The following HCRTR2 variants were observed in gnomAD, a reference collection of about 807,000 sequenced individuals.
The protein encoded by HCRTR2 is hypocretin receptor 2, also known as orexin receptor type 2.
In HCRTR2, 22 loss-of-function variants were observed where a neutral mutation model predicts 49.0. That is an observed-to-expected ratio of 0.45 (90% CI 0.32 to 0.64). The LOEUF (loss-of-function observed/expected upper bound fraction) is 0.64. Ranked by LOEUF, HCRTR2 falls within the 30% of genes least tolerant of loss-of-function variation. The probability of loss-of-function intolerance (pLI) is 0.04; values close to 1 mark genes in which losing one functional copy is unlikely to be tolerated. For missense variants in HCRTR2, 491 were observed against 559.4 expected, an observed-to-expected ratio of 0.88 and a Z score of 1.23; for synonymous variants, 236 against 205.3, an observed-to-expected ratio of 1.15 and a Z score of -1.28.
chr6:55,118,513 A>G (rs897284028), intron 1 of HCRTR2, among the ~76,000 whole-genome samples: 4 of 152,050 alleles, frequency 2.6e-5, no homozygotes, highest in African/African-American at 9.6e-5. Context: ...TTACACTCCC[A>G]CCAACAGTGG....
upstream of HCRTR2, among the ~76,000 whole-genome samples, chr6:55,170,991 T>A (rs996677766): frequency 6.6e-6 from 1 of 152,084 alleles, no homozygotes; most frequent in African/African-American, 2.4e-5. Flanking sequence ...TTGTTGGACA[T>A]TTGGGTTGGT....
intron 6 of HCRTR2, among the ~76,000 whole-genome samples, chr6:55,280,837 C>A (rs1446714951): frequency 6.6e-6 from 1 of 152,092 alleles, no homozygotes; most frequent in Admixed American, 6.6e-5. Context: ...GATCTATTCA[C>A]TTTTAGATAT....
At chr6:55,188,388 G>A (rs186625446) in intron 1 of HCRTR2, among the ~76,000 whole-genome samples, 81 of 152,268 alleles carry the variant, frequency 5.3e-4, no homozygotes, top group Non-Finnish European at 8.5e-4. Context: ...TCAGAAGACC[G>A]CTCTGAATGC....
At chr6:55,269,822 G>A (rs1236804024) in intron 4 of HCRTR2, among the ~76,000 whole-genome samples, 1 of 152,108 alleles carries the variant, frequency 6.6e-6, no homozygotes, top group Non-Finnish European at 1.5e-5. Context: ...AGCCAGGCAT[G>A]GTGGTGCAGT....
intron 1 of HCRTR2, among the ~76,000 whole-genome samples, chr6:55,177,727 T>C (rs1765065391): frequency 6.6e-6 from 1 of 152,150 alleles, no homozygotes. Flanking sequence ...ATGCTGTGGG[T>C]AGCATAACAA....
At chr6:55,250,609 C>T (rs533453925) in intron 2 of HCRTR2, among the ~76,000 whole-genome samples, 75 of 152,230 alleles carry the variant, frequency 4.9e-4, no homozygotes, top group African/African-American at 1.8e-3. Flanking sequence ...CGATAGCTTT[C>T]TGCAGAGCAG....
intron 1 of HCRTR2, among the ~76,000 whole-genome samples, chr6:55,227,016 T>A (rs952484913): frequency 1.3e-5 from 2 of 152,184 alleles, no homozygotes; most frequent in African/African-American, 4.8e-5. Context: ...TTATAGAATT[T>A]AAATTTTAAA....
chr6:55,159,799 A>T (rs928277142), intron 1 of HCRTR2, among the ~76,000 whole-genome samples: 1 of 152,246 alleles, frequency 6.6e-6, no homozygotes, highest in Non-Finnish European at 1.5e-5. Flanking sequence ...AAAAGAATAA[A>T]AAGGAATGAA....
chr6:55,166,665 C>A (rs1289118511), intron 1 of HCRTR2, among the ~76,000 whole-genome samples: 1 of 152,050 alleles, frequency 6.6e-6, no homozygotes, highest in Non-Finnish European at 1.5e-5. Context: ...AACAGTTCAA[C>A]ATAGAGTTAC....
chr6:55,122,106 G>T (rs1764209058), intron 1 of HCRTR2, among the ~76,000 whole-genome samples: 2 of 151,994 alleles, frequency 1.3e-5, no homozygotes, highest in Admixed American at 1.3e-4. Flanking sequence ...ACTTTTTTTG[G>T]TTGGTAAGCT....
At chr6:55,161,708 T>C (rs1390294292) in intron 1 of HCRTR2, among the ~76,000 whole-genome samples, 2 of 152,144 alleles carry the variant, frequency 1.3e-5, no homozygotes, top group Admixed American at 6.5e-5. Flanking sequence ...TAGACACCTC[T>C]ATGCAAATAA....
At chr6:55,131,581 A>T (rs1007829275) in intron 1 of HCRTR2, among the ~76,000 whole-genome samples, 6 of 151,806 alleles carry the variant, frequency 4.0e-5, no homozygotes, top group African/African-American at 1.4e-4. Context: ...ATATAACACT[A>T]AAGTCAGTTA....
At chr6:55,261,539 G>A (rs1391503795) in intron 3 of HCRTR2, among the ~76,000 whole-genome samples, 13 of 152,062 alleles carry the variant, frequency 8.5e-5, no homozygotes, top group African/African-American at 3.1e-4. Flanking sequence ...CAAAGTACTG[G>A]GATTACAGAC....
At chr6:55,190,026 A>G (rs1765289680) in intron 1 of HCRTR2, among the ~76,000 whole-genome samples, 1 of 152,142 alleles carries the variant, frequency 6.6e-6, no homozygotes, top group Non-Finnish European at 1.5e-5. Context: ...ACTCTCAGGT[A>G]TTTGTTTTTC....
At chr6:55,162,590 C>T (rs998134627) in intron 1 of HCRTR2, among the ~76,000 whole-genome samples, 2 of 152,180 alleles carry the variant, frequency 1.3e-5, no homozygotes, top group African/African-American at 4.8e-5. Context: ...TAGAAAACCC[C>T]ATTGTCTCAG....
intron 1 of HCRTR2, among the ~76,000 whole-genome samples, chr6:55,188,855 T>C (rs1765268934): frequency 1.3e-5 from 2 of 152,194 alleles, no homozygotes; most frequent in Admixed American, 1.3e-4. Context: ...AAATACCTTC[T>C]TCACTGAGGA....
chr6:55,139,676 T>TTATATATA (rs1764480352), intron 1 of HCRTR2, among the ~76,000 whole-genome samples: 1 of 152,124 alleles, frequency 6.6e-6, no homozygotes, highest in Non-Finnish European at 1.5e-5. Context: ...ACCATAAACT[T>TTATATATA]CAAAGCATGA....
At chr6:55,255,609 T>C (rs531858165) in intron 3 of HCRTR2, among the ~76,000 whole-genome samples, 7 of 152,328 alleles carry the variant, frequency 4.6e-5, no homozygotes, top group African/African-American at 1.7e-4. Flanking sequence ...TCATATCTTT[T>C]GGATAGGAAA....
intron 1 of HCRTR2, among the ~76,000 whole-genome samples, chr6:55,133,599 CATT>C (rs1301750787): frequency 6.6e-6 from 1 of 151,812 alleles, no homozygotes; most frequent in Non-Finnish European, 1.5e-5. Context: ...GGCAATGAAA[CATT>C]GTACGTTCTA....
Sources: gnomAD v4.1 joint callset for allele counts (sites outside exome capture counted in the v4.1 genomes callset) on GRCh38, gnomAD v4.1.1 for gene constraint, MANE v1.5 for transcripts, NCBI Gene and HGNC (gene_info 2026-07-23, HGNC 2026-07-21) for gene names.